The following PHF8 variants were observed in gnomAD, a reference collection of about 807,000 sequenced individuals.
PHF8 encodes histone lysine demethylase PHF8.
A neutral mutation model predicts 74.4 loss-of-function variants in PHF8; 9 were observed. The observed-to-expected ratio is 0.12, with a 90% confidence interval of 0.07 to 0.21. PHF8 has a LOEUF of 0.21. Ranked by LOEUF, PHF8 falls within the 10% of genes least tolerant of loss-of-function variation. PHF8 has a pLI of 1.00. For missense variants in PHF8, 478 were observed against 816.6 expected (o/e 0.59, Z 5.05); for synonymous variants, 311 against 316.6 (o/e 0.98, Z 0.19).
chrX:54,042,764 G>A lies in PHF8; in HGVS notation c.-36C>T. ...CCCTGGAGCGTTCTGCGGCCGGCCAGGTTCGTCGTGTCAAGAGGGGCGGGA... is the reference window on the plus strand; with the variant it reads ...CCCTGGAGCGTTCTGCGGCCGGCCAAGTTCGTCGTGTCAAGAGGGGCGGGA... On this transcript the variant is annotated 5_prime_UTR_variant, in exon 2 of 22. Transcript: ENST00000338154. 2 of 1,193,284 alleles carry A rather than the reference G, an allele frequency of 1.7e-6. No individual in the cohort carries two copies. The highest frequency in any genetic ancestry group is 2.3e-6 in the Non-Finnish European group (2 of 884,867).
intron 17 of PHF8, 64 bp from the exon 18 acceptor site, chrX:53,985,291 C>T: frequency 1.1e-6 from 1 of 893,482 alleles, no homozygotes; most frequent in Non-Finnish European, 1.6e-6. Flanking sequence ...AATCGGTCAT[C>T]AGAATACTCA....
intron 20 of PHF8, among the ~76,000 whole-genome samples, chrX:53,942,099 C>T (rs1204542503): frequency 1.8e-5 from 2 of 111,972 alleles, no homozygotes; most frequent in African/African-American, 6.5e-5. Context: ...GACAACTAGA[C>T]CATCTTATGA....
At position 53,968,631 on chromosome X, in the gene PHF8, G is replaced by A. The variant is rs782206085; in HGVS notation, c.2444-5692C>T. Among the ~76,000 whole-genome samples, 3 of 112,616 alleles carry A rather than the reference G, an allele frequency of 2.7e-5. No homozygotes were observed. The Admixed American group carries it at 2.8e-4, about 11-fold the overall frequency. The stretch of plus-strand genomic sequence containing the variant: ...AACAATTAAAACTACAGGCCTCGCC[G>A]GGCACGGTGGCTCACGCCTGTAATC... On this transcript the variant is annotated intron_variant, in intron 18 of 21. Coordinates refer to ENST00000338154, the MANE Select transcript of PHF8 (RefSeq NM_015107.3).
intron 19 of PHF8, among the ~76,000 whole-genome samples, chrX:53,949,489 G>A (rs980959635): frequency 4.5e-5 from 5 of 110,870 alleles, no homozygotes; most frequent in African/African-American, 1.6e-4. Context: ...GGGGAAATTT[G>A]AATAAGTACA....
At chrX:54,012,045 A>G (rs1201835969) in intron 7 of PHF8, among the ~76,000 whole-genome samples, 3 of 111,179 alleles carry the variant, frequency 2.7e-5, no homozygotes, top group African/African-American at 9.8e-5. Flanking sequence ...CTAGTATATC[A>G]ATGTTAACTT....
chrX:53,940,124 A>T, intron 21 of PHF8, 56 bp downstream of exon 21: 1 of 970,603 alleles, frequency 1.0e-6, no homozygotes, highest in Non-Finnish European at 1.4e-6. Flanking sequence ...AGCACTTAGG[A>T]TTTAGGGCAG....
chrX:53,937,222 TCAAA>T lies in PHF8; in HGVS notation c.*1932_*1935del, dbSNP rs1297328153. 2 of 110,940 alleles carry T rather than the reference TCAAA, an allele frequency of 1.8e-5. No homozygotes were observed. The highest frequency in any genetic ancestry group is 3.3e-5 in the African/African-American group (1 of 30,300). 9.1% of individuals were successfully genotyped at this position (110,940 alleles called of 1,213,427 possible). ...CCCAACTAAGCTAAATGAAACCCAG[TCAAA>T]CAGAGGCTGGGTTTCAGCTCCACAG... is the stretch of plus-strand genomic sequence containing the variant. On this transcript the variant is annotated 3_prime_UTR_variant, in exon 22 of 22. Coordinates refer to ENST00000338154, the MANE Select transcript of PHF8 (RefSeq NM_015107.3).
intron 19 of PHF8, among the ~76,000 whole-genome samples, chrX:53,947,261 C>T (rs1557085439): frequency 9.0e-6 from 1 of 111,717 alleles, no homozygotes; most frequent in African/African-American, 3.3e-5. Context: ...ATCCACCCAC[C>T]TCGGCCTCCA....
At chrX:53,961,283 A>G (rs2063801348) in intron 19 of PHF8, among the ~76,000 whole-genome samples, 1 of 109,940 alleles carries the variant, frequency 9.1e-6, no homozygotes, top group Admixed American at 9.8e-5. Flanking sequence ...TCAGCCTCCC[A>G]AAATGTTGGG....
chrX:53,963,866 C>T (rs782551399), intron 18 of PHF8, among the ~76,000 whole-genome samples: 32 of 111,339 alleles, frequency 2.9e-4, no homozygotes, highest in Admixed American at 4.8e-4. Flanking sequence ...ACCATTTGAC[C>T]CAGCAATCCC....
intron 8 of PHF8, among the ~76,000 whole-genome samples, chrX:54,009,386 TGA>T (rs1263597400): frequency 9.1e-6 from 1 of 110,470 alleles, no homozygotes; most frequent in African/African-American, 3.3e-5. Flanking sequence ...AAATCAATGC[TGA>T]GAGGGAAATT....
At position 53,954,373 on chromosome X, in the gene PHF8, G is replaced by A. The variant is rs782336734; in HGVS notation, c.2539+8471C>T. 1.2e-4 allele frequency among the ~76,000 whole-genome samples: 13 copies of A among 107,347 alleles called. No homozygotes were observed. The East Asian group carries it at 3.2e-3, about 27-fold the overall frequency. The allele number at this position is 107,347 out of a possible 115,157, so 93.2% of individuals were successfully genotyped here. On this transcript the variant is annotated intron_variant, in intron 19 of 21. Coordinates refer to ENST00000338154, the MANE Select transcript of PHF8 (RefSeq NM_015107.3). ...AAATTAGCTGGGTGTGGTGGCAGGT[G>A]CCTGTAGTCCCAGCTACTGGGGAGG...
chrX:54,009,844 GAAAAAAAAAAAAAAAAA>G (rs782363250), intron 8 of PHF8, among the ~76,000 whole-genome samples: 66 of 9,386 alleles, frequency 7.0e-3, no homozygotes, highest in East Asian at 0.011. Context: ...CTCTGTCTCA[GAAAAAAAAAAAAAAAAA>G]AAAAAAAAAA....
intron 10 of PHF8, among the ~76,000 whole-genome samples, chrX:54,001,935 G>T (rs1218112946): frequency 1.1e-4 from 12 of 111,034 alleles, no homozygotes; most frequent in Admixed American, 7.7e-4. Flanking sequence ...GGGGCTCGGG[G>T]CTGGGCGGGT....
chrX:54,029,663 T>G (rs782638746), intron 2 of PHF8, among the ~76,000 whole-genome samples: 1 of 111,977 alleles, frequency 8.9e-6, no homozygotes, highest in South Asian at 3.7e-4. Context: ...CCCGGTGACT[T>G]AGTACACAGG....
chrX:54,022,136 C>G, intron 4 of PHF8, 123 bp downstream of exon 4: 2 of 527,188 alleles, frequency 3.8e-6, no homozygotes, highest in Non-Finnish European at 6.8e-6. Flanking sequence ...TTGCAGAGCC[C>G]TGAAGATACT....
chrX:54,045,705 G>A (rs189561879), upstream of PHF8, among the ~76,000 whole-genome samples: 510 of 112,452 alleles, frequency 4.5e-3, 3 homozygotes, highest in Middle Eastern at 9.3e-3. Context: ...TACTCAAAAG[G>A]ATCAACGTGT....
rs144186275 is a variant in PHF8, at chrX:53,977,273, T to C, written c.2443+7641A>G. 5.3e-3 allele frequency among the ~76,000 whole-genome samples: 594 copies of C among 111,964 alleles called. 5 individuals carry two copies. Among genetic ancestry groups the C allele is most frequent in the African/African-American group, 0.019 (572 of 30,883 alleles). ...TCACTTGAACCCAGGAGGCAGAGGT[T>C]GCAGTGAGCCGAGATCGTGCCACTG... On this transcript the variant is annotated intron_variant, in intron 18 of 21. Transcript: ENST00000338154.
intron 2 of PHF8, among the ~76,000 whole-genome samples, chrX:54,034,896 G>C (rs905651950): frequency 9.3e-6 from 1 of 107,971 alleles, no homozygotes; most frequent in Non-Finnish European, 1.9e-5. Context: ...CTACTGGGGG[G>C]TGGGGGGCTG....
Sources: allele counts gnomAD v4.1 joint callset (sites outside exome capture counted in the v4.1 genomes callset), GRCh38; gene constraint gnomAD v4.1.1; transcripts MANE v1.5; gene names NCBI Gene and HGNC (gene_info 2026-07-23, HGNC 2026-07-21).